The following PRELID2 variants were observed in gnomAD, a reference collection of about 807,000 sequenced individuals.
PRELID2 encodes the protein PRELI domain-containing protein 2.
PRELID2 carries 25 observed loss-of-function variants against 28.4 expected under a neutral mutation model. The ratio of observed to expected loss-of-function variants is 0.88; its 90% confidence interval spans 0.64 to 1.23. The LOEUF is 1.23. Among genes scored for constraint, PRELID2 ranks in the 50% most tolerant of loss-of-function variants. The pLI is 0.00. For missense variants in PRELID2, 201 were observed against 214.4 expected (o/e 0.94, Z 0.39); for synonymous variants, 76 against 71.6 (o/e 1.06, Z -0.31).
intron 1 of PRELID2, among the ~76,000 whole-genome samples, chr5:145,518,736 A>G (rs998272038): frequency 2.0e-5 from 3 of 152,218 alleles, no homozygotes; most frequent in African/African-American, 7.2e-5. Context: ...ACGAGGAGAT[A>G]CCTGGCAATA....
intron 1 of PRELID2, among the ~76,000 whole-genome samples, chr5:145,582,166 T>C (rs1159212537): frequency 2.0e-5 from 3 of 152,194 alleles, no homozygotes; most frequent in African/African-American, 7.2e-5. Context: ...GAAGGACTTA[T>C]ACAAGTCCCT....
intron 1 of PRELID2, among the ~76,000 whole-genome samples, chr5:145,571,658 C>T (rs1401678594): frequency 2.6e-5 from 4 of 152,142 alleles, no homozygotes; most frequent in Admixed American, 2.0e-4. Context: ...GAGTCTGGCA[C>T]CTTTTTAAGT....
downstream of PRELID2, among the ~76,000 whole-genome samples, chr5:145,468,186 G>A (rs181998492): frequency 2.2e-3 from 331 of 152,146 alleles, 2 homozygotes; most frequent in African/African-American, 7.6e-3. Context: ...TTGTCCTGGC[G>A]ATAGTTTGCT....
intron 1 of PRELID2, among the ~76,000 whole-genome samples, chr5:145,575,023 T>C (rs1753048829): frequency 6.6e-6 from 1 of 152,218 alleles, no homozygotes; most frequent in South Asian, 2.1e-4. Context: ...CAATGAATTA[T>C]GATACATGTC....
In PRELID2 at chr5:145,741,091, A is replaced by G. The variant is rs1480389231; in HGVS notation, n.70+23840T>C. The stretch of plus-strand genomic sequence containing the variant: ...ATATTTATGTATAAATAAAATAAAT[A>G]TACATATTTTATGCTTTACATATAA... On this transcript the variant is annotated intron_variant and non_coding_transcript_variant, in intron 1 of 2. Transcript: ENST00000510259. Among the ~76,000 whole-genome samples, 5 of 118,530 alleles carry G rather than the reference A, an allele frequency of 4.2e-5. No homozygotes were observed. The Admixed American group carries it at 4.9e-4, about 12-fold the overall frequency. 77.8% of individuals were successfully genotyped at this position (118,530 alleles called of 152,430 possible).
At chr5:145,328,742 G>A in the PRELID2 span, among the ~76,000 whole-genome samples, 1 of 152,038 alleles carries the variant, frequency 6.6e-6, no homozygotes, top group Admixed American at 6.5e-5. Flanking sequence ...TCACTCCAAT[G>A]ACAGTTTCTT....
the PRELID2 span, among the ~76,000 whole-genome samples, chr5:145,372,299 G>T: frequency 7.2e-5 from 11 of 152,004 alleles, no homozygotes; most frequent in Non-Finnish European, 1.3e-4. Flanking sequence ...ATTGCACTGT[G>T]GTCTAAGAGA....
chr5:145,600,103 A>T (rs1025995701), intron 1 of PRELID2, among the ~76,000 whole-genome samples: 1 of 144,470 alleles, frequency 6.9e-6, no homozygotes, highest in East Asian at 2.0e-4. Flanking sequence ...CTAAATAGCC[A>T]GAAGAAAAAG....
intron 1 of PRELID2, among the ~76,000 whole-genome samples, chr5:145,731,639 T>C (rs903440036): frequency 2.6e-5 from 4 of 152,244 alleles, no homozygotes; most frequent in African/African-American, 9.6e-5. Flanking sequence ...TACCCCTCAC[T>C]ACTTTTGAAA....
intron 1 of PRELID2, among the ~76,000 whole-genome samples, chr5:145,545,857 C>T (rs1752782040): frequency 6.6e-6 from 1 of 152,044 alleles, no homozygotes; most frequent in African/African-American, 2.4e-5. Flanking sequence ...TTTTAACATA[C>T]ATTTGGTGGT....
At chr5:145,352,012 C>T in the PRELID2 span, among the ~76,000 whole-genome samples, 6 of 152,292 alleles carry the variant, frequency 3.9e-5, no homozygotes, top group African/African-American at 1.4e-4. Context: ...CAGGGTACAA[C>T]CCCCGTCTCA....
chr5:145,317,449 A>G, the PRELID2 span, among the ~76,000 whole-genome samples: 2 of 152,164 alleles, frequency 1.3e-5, no homozygotes, highest in Admixed American at 6.6e-5. Flanking sequence ...GCTGTTCCTG[A>G]GCCTGTTGGC....
At chr5:145,416,889 A>G in the PRELID2 span, among the ~76,000 whole-genome samples, 1 of 152,202 alleles carries the variant, frequency 6.6e-6, no homozygotes, top group African/African-American at 2.4e-5. Context: ...GTCTCATCTG[A>G]GTCAAAGAAA....
chr5:145,537,457 T>C (rs1752709041), intron 1 of PRELID2, among the ~76,000 whole-genome samples: 1 of 151,896 alleles, frequency 6.6e-6, no homozygotes, highest in Non-Finnish European at 1.5e-5. Flanking sequence ...AAGTTTCCCC[T>C]TTTATCCACA....
At chr5:145,722,740 T>G (rs1409490045) in intron 1 of PRELID2, among the ~76,000 whole-genome samples, 1 of 152,098 alleles carries the variant, frequency 6.6e-6, no homozygotes, top group African/African-American at 2.4e-5. Context: ...TCTAAGCTGA[T>G]CCGCCCACCT....
chr5:145,656,908 T>A (rs1401003460), intron 1 of PRELID2, among the ~76,000 whole-genome samples: 1 of 151,990 alleles, frequency 6.6e-6, no homozygotes, highest in Non-Finnish European at 1.5e-5. Context: ...TGATAAAAAA[T>A]AAATAAATAA....
chr5:145,767,194 G>C lies in PRELID2; in HGVS notation c.475-2194C>G, dbSNP rs562901194. On this transcript the variant is annotated intron_variant, in intron 5 of 6. Coordinates refer to ENST00000683046, the MANE Select transcript of PRELID2 (RefSeq NM_205846.3). ...GGTGGAGTGGCAGAGCAGCAGAGGA[G>C]AGAGGAGAAGAAGCAGCTGGACATT... is the stretch of plus-strand genomic sequence containing the variant. Among the ~76,000 whole-genome samples the C allele has an allele frequency of 4.1e-5, 6 of 146,768 alleles. No homozygotes were observed. The South Asian group carries it at 1.3e-3, about 32-fold the overall frequency.
intron 1 of PRELID2, among the ~76,000 whole-genome samples, chr5:145,711,593 G>C (rs1238815960): frequency 6.6e-6 from 1 of 152,146 alleles, no homozygotes; most frequent in African/African-American, 2.4e-5. Context: ...GGAAATCTGG[G>C]GACAGAGTGG....
chr5:145,393,086 T>C, the PRELID2 span, among the ~76,000 whole-genome samples: 12 of 152,274 alleles, frequency 7.9e-5, no homozygotes, highest in Admixed American at 2.0e-4. Flanking sequence ...TACTAATATG[T>C]GAGATTAATG....
Sources: gnomAD v4.1 joint callset for allele counts (sites outside exome capture counted in the v4.1 genomes callset) on GRCh38, gnomAD v4.1.1 for gene constraint, MANE v1.5 for transcripts, NCBI Gene and HGNC (gene_info 2026-07-23, HGNC 2026-07-21) for gene names.